Variants in TMEM132E observed in about 807,000 individuals in gnomAD.
TMEM132E encodes the protein transmembrane protein 132E.
In TMEM132E, 49 loss-of-function variants were observed where a neutral mutation model predicts 78.5. The observed-to-expected ratio is 0.62, with a 90% CI of 0.50 to 0.79. TMEM132E has a LOEUF of 0.79. Among genes scored for constraint, TMEM132E ranks in the 30% least tolerant of loss-of-function variants. The pLI is 0.00. For missense variants in TMEM132E, 1,403 were observed against 1,470.9 expected, an observed-to-expected ratio of 0.95 and a Z score of 0.75; for synonymous variants, 715 against 670.6, an observed-to-expected ratio of 1.07 and a Z score of -1.02.
intron 1 of TMEM132E, among the ~76,000 whole-genome samples, chr17:34,613,211 A>ACACACACACACGCGCGCGCGCGCG: frequency 1.7e-5 from 2 of 115,856 alleles, no homozygotes; most frequent in Non-Finnish European, 3.7e-5. Context: ...ACACACACAC[A>ACACACACACACGCGCGCGCGCGCG]CGCGCGCGCG....
At position 34,598,407 on chromosome 17, in the gene TMEM132E, C is replaced by G. The variant is rs1208141445; in HGVS notation, c.67+17264C>G. On this transcript the variant is annotated intron_variant, in intron 1 of 8. Transcript: ENST00000631683. ...ATCTGCCCCCTGATTACCTGGGGCCCCACTCTGCTTTCTGGTGGGGGTGAA... is the reference window on the plus strand; with the variant it reads ...ATCTGCCCCCTGATTACCTGGGGCCGCACTCTGCTTTCTGGTGGGGGTGAA... Among the ~76,000 whole-genome samples the G allele has an allele frequency of 3.3e-5, 5 of 152,270 alleles. No individual in the cohort carries two copies. In the East Asian group the frequency reaches 9.7e-4, roughly 29 times the overall value.
chr17:34,638,042 G>A lies in TMEM132E; in HGVS notation c.3035G>A (p.Arg1012Gln), dbSNP rs1473219842. ...PASSPTSKRK[R>Q]VKFTTFTTLP... is the part of the protein sequence containing the mutation. ...AGCTCGCCCACCTCCAAGCGCAAGC[G>A]GGTCAAGTTCACCACCTTCACCACG... Residue 1012 changes from arginine (R) to glutamine (Q), a missense_variant, in exon 9 of 9, where the codon CGG becomes CAG. Physicochemically the swap from Arg to Gln is conservative, Grantham distance 43. Around this residue, in one of 3 missense-constraint regions of TMEM132E, gnomAD observed 888 missense variants for 952.8 expected, o/e 0.93. Coordinates refer to ENST00000631683, the MANE Select transcript of TMEM132E (RefSeq NM_001304438.2). 3.8e-6 allele frequency: 6 copies of A among 1,577,628 alleles called. No individual in the cohort carries two copies. In the East Asian group the frequency reaches 1.4e-4, roughly 37 times the overall value.
intron 1 of TMEM132E, among the ~76,000 whole-genome samples, chr17:34,612,506 T>C (rs1906625763): frequency 6.6e-6 from 1 of 152,232 alleles, no homozygotes; most frequent in South Asian, 2.1e-4. Flanking sequence ...CAAAGCCCAC[T>C]CTCTGCCACT....
chr17:34,586,180 G>A (rs1257352131), intron 1 of TMEM132E, among the ~76,000 whole-genome samples: 1 of 152,022 alleles, frequency 6.6e-6, no homozygotes, highest in Non-Finnish European at 1.5e-5. Context: ...CTAACAAGTG[G>A]AAGAATCGTA....
chr17:34,593,095 C>A (rs1312318915), intron 1 of TMEM132E, among the ~76,000 whole-genome samples: 2 of 151,130 alleles, frequency 1.3e-5, no homozygotes, highest in African/African-American at 4.8e-5. Context: ...CCAATATGCC[C>A]AAACAATTGT....
At chr17:34,609,206 G>C (rs1167523007) in intron 1 of TMEM132E, among the ~76,000 whole-genome samples, 1 of 152,200 alleles carries the variant, frequency 6.6e-6, no homozygotes, top group African/African-American at 2.4e-5. Flanking sequence ...TCTGCATGTG[G>C]CCTGGAAGAG....
intron 4 of TMEM132E, 91 bp from the exon 5 acceptor site, chr17:34,629,917 G>GA: frequency 9.9e-6 from 14 of 1,411,002 alleles, no homozygotes; most frequent in Admixed American, 2.3e-5. Flanking sequence ...TGAGGAGTGG[G>GA]GGGGGAGCGT....
intron 1 of TMEM132E, among the ~76,000 whole-genome samples, chr17:34,599,664 TTTA>T (rs1228550489): frequency 1.3e-5 from 2 of 152,192 alleles, no homozygotes; most frequent in Non-Finnish European, 2.9e-5. Context: ...ATTTTTATTT[TTTA>T]TTATTATCAT....
At chr17:34,598,618 C>A (rs1906132419) in intron 1 of TMEM132E, among the ~76,000 whole-genome samples, 1 of 152,234 alleles carries the variant, frequency 6.6e-6, no homozygotes, top group Non-Finnish European at 1.5e-5. Context: ...GCCCCTTTGT[C>A]ATCCTCCCTG....
intron 4 of TMEM132E, 22 bp downstream of exon 4, chr17:34,629,226 C>T (rs1907264627): frequency 1.2e-6 from 2 of 1,610,896 alleles, no homozygotes; most frequent in Non-Finnish European, 1.7e-6. Flanking sequence ...GGTGACCAGC[C>T]CAGAAGATGC....
In TMEM132E at chr17:34,634,915, A is replaced by G; in HGVS notation, c.1805A>G (p.His602Arg). 6.2e-7 allele frequency: 1 copy of G among 1,614,174 alleles called. No homozygotes were observed. Among genetic ancestry groups the G allele is most frequent in the Non-Finnish European group, 8.5e-7 (1 of 1,180,028 alleles). ...HATLQVFTQFHTTSSEGTDQV... is the reference protein window; with the variant it reads ...HATLQVFTQFRTTSSEGTDQV... ...ACCCTGCAGGTCTTCACCCAGTTCC[A>G]CACGACATCATCCGAGGGCACTGAC... is the stretch of plus-strand genomic sequence containing the variant. The change falls in exon 7 of 9, where the codon CAC (histidine) becomes CGC (arginine). Residue 602 changes from histidine to arginine, a missense_variant. By Grantham distance (29) the His-to-Arg change is conservative (BLOSUM62 0). Transcript: ENST00000631683.
intron 5 of TMEM132E, 24 bp from the exon 6 acceptor site, chr17:34,632,680 C>T (rs1228828234): frequency 6.2e-7 from 1 of 1,612,976 alleles, no homozygotes; most frequent in South Asian, 1.1e-5. Flanking sequence ...GGAAGATGTG[C>T]CAACTGTTCC....
intron 1 of TMEM132E, among the ~76,000 whole-genome samples, chr17:34,596,093 C>A (rs914427609): frequency 2.6e-5 from 4 of 151,684 alleles, no homozygotes; most frequent in Non-Finnish European, 4.4e-5. Context: ...CCCAGGCAAC[C>A]AGTGCAGGCC....
chr17:34,604,902 G>A (rs1675778587), intron 1 of TMEM132E, among the ~76,000 whole-genome samples: 1 of 152,198 alleles, frequency 6.6e-6, no homozygotes, highest in African/African-American at 2.4e-5. Flanking sequence ...TAAAGGACAG[G>A]TGGCTGAGGC....
chr17:34,622,255 C>T (rs1023338660), intron 1 of TMEM132E, among the ~76,000 whole-genome samples: 8 of 152,214 alleles, frequency 5.3e-5, no homozygotes, highest in African/African-American at 1.9e-4. Context: ...CCAGGAGAAA[C>T]TGAGGTCCAG....
chr17:34,631,028 A>G (rs949757159), intron 5 of TMEM132E, among the ~76,000 whole-genome samples: 1 of 152,136 alleles, frequency 6.6e-6, no homozygotes, highest in African/African-American at 2.4e-5. Flanking sequence ...GCCACTCACT[A>G]TGCCACCCTC....
In TMEM132E at chr17:34,637,573, G is replaced by C. The variant is rs771108452; in HGVS notation, c.2566G>C (p.Gly856Arg). The change falls in exon 9 of 9, where the codon GGC becomes CGC. Residue 856 changes from glycine to arginine, a missense_variant. Around this residue, in one of 3 missense-constraint regions of TMEM132E, gnomAD observed 888 missense variants for 952.8 expected, o/e 0.93. Transcript: ENST00000631683. ...GSALPAPEAP[G>R]PGTASPVVPP... ...TGCGCTACCCGCACCGGAGGCTCCA[G>C]GCCCGGGCACCGCCAGCCCCGTCGT... 6.2e-7 allele frequency: 1 copy of C among 1,600,824 alleles called. No individual in the cohort carries two copies. The highest frequency in any genetic ancestry group is 1.1e-5 in the South Asian group (1 of 90,306).
At position 34,636,066 on chromosome 17, in the gene TMEM132E, G is replaced by A. The variant is rs1486196533; in HGVS notation, c.2037G>A (p.Glu679=). The part of the protein sequence containing the change: ...LGETLLTVTE[E]KVSITQLQAQ... ...AGACGCTGCTGACGGTGACTGAGGA[G>A]AAGGTCAGCATCACACAGCTTCAGG... is the stretch of plus-strand genomic sequence containing the variant. The change falls in exon 8 of 9, where the codon GAG becomes GAA. Residue 679 remains glutamate, a synonymous_variant. Coordinates refer to ENST00000631683, the MANE Select transcript of TMEM132E (RefSeq NM_001304438.2). 1 of 1,584,092 alleles carries A rather than the reference G, an allele frequency of 6.3e-7. No homozygotes were observed. The highest frequency in any genetic ancestry group is 1.1e-5 in the South Asian group (1 of 87,030).
chr17:34,604,758 G>A (rs769583490), intron 1 of TMEM132E, among the ~76,000 whole-genome samples: 2 of 152,232 alleles, frequency 1.3e-5, no homozygotes, highest in African/African-American at 4.8e-5. Context: ...GGAAGATGAA[G>A]TCCAAAGTCT....
Sources: gnomAD v4.1 joint callset for allele counts (sites outside exome capture counted in the v4.1 genomes callset) on GRCh38, gnomAD v4.1.1 for gene constraint, gnomAD v4.1.1 regional missense constraint, MANE v1.5 for transcripts, NCBI Gene and HGNC (gene_info 2026-07-23, HGNC 2026-07-21) for gene names.